The following IRF8 variants were observed in gnomAD, a reference collection of about 807,000 sequenced individuals.
IRF8 encodes interferon consensus sequence binding protein 1.
A neutral mutation model predicts 48.7 loss-of-function variants in IRF8; 14 were observed. The observed-to-expected ratio is 0.29, with a 90% confidence interval of 0.19 to 0.45. IRF8 has a LOEUF of 0.45. IRF8 is among the 20% of genes least tolerant of loss of function. The pLI is 1.00. For missense variants in IRF8, 493 were observed against 580.7 expected, an observed-to-expected ratio of 0.85 and a Z score of 1.55; for synonymous variants, 278 against 227.3, an observed-to-expected ratio of 1.22 and a Z score of -2.01.
At chr16:85,903,913 A>G (rs988101024) in intron 2 of IRF8, among the ~76,000 whole-genome samples, 2 of 152,208 alleles carry the variant, frequency 1.3e-5, no homozygotes, top group African/African-American at 4.8e-5. Context: ...CAGATGCAAG[A>G]TGGCCCAACT....
chr16:85,921,707 A>G lies in IRF8; in HGVS notation c.*425A>G. 4.2e-6 allele frequency: 1 copy of G among 240,254 alleles called. No individual in the cohort carries two copies. The highest frequency in any genetic ancestry group is 8.3e-6 in the Non-Finnish European group (1 of 120,924). The allele number at this position is 240,254 out of a possible 1,614,324, so 14.9% of individuals were successfully genotyped here. ...TGTTTTTGTCTTTATCGTTTGTTAG[A>G]GTTATAGATTTATGATTTCATAGGC... On this transcript the variant is annotated 3_prime_UTR_variant, in exon 9 of 9. Coordinates refer to ENST00000268638, the MANE Select transcript of IRF8 (RefSeq NM_002163.4).
At position 85,909,189 on chromosome 16, in the gene IRF8, G is replaced by A; in HGVS notation, c.358+16G>A. On this transcript the variant is annotated intron_variant, in intron 3 of 8. Transcript: ENST00000268638. ...GAGCAAAAATGTAACTATCCTTTAT[G>A]GGCATGAAACCTTCCAGAAGCTGCC... 6 of 1,612,522 alleles carry A rather than the reference G, an allele frequency of 3.7e-6. No homozygotes were observed. Among genetic ancestry groups the A allele is most frequent in the Non-Finnish European group, 5.1e-6 (6 of 1,178,798 alleles).
intron 7 of IRF8, among the ~76,000 whole-genome samples, chr16:85,919,159 C>G (rs1905443648): frequency 2.0e-5 from 3 of 152,156 alleles, no homozygotes; most frequent in South Asian, 4.2e-4. Context: ...AGGCCCTGCT[C>G]CAGCCACAAG....
intron 1 of IRF8, 95 bp from the exon 2 acceptor site, chr16:85,902,920 G>A (rs538484946): frequency 4.3e-6 from 6 of 1,389,730 alleles, no homozygotes; most frequent in Non-Finnish European, 6.1e-6. Context: ...CACCTTTGCT[G>A]CAAACCTCTG....
At chr16:85,921,062 G>T in intron 8 of IRF8, 44 bp from the exon 9 acceptor site, 1 of 1,571,898 alleles carries the variant, frequency 6.4e-7, no homozygotes, top group East Asian at 2.4e-5. Flanking sequence ...CACCCCCTTT[G>T]GAGCCTCCGC....
chr16:85,901,883 T>C (rs1904836504), intron 1 of IRF8, among the ~76,000 whole-genome samples: 1 of 152,124 alleles, frequency 6.6e-6, no homozygotes, highest in Non-Finnish European at 1.5e-5. Flanking sequence ...TTCAAACTCG[T>C]TTGCCCAAAG....
At chr16:85,906,796 T>C (rs1905018502) in intron 2 of IRF8, among the ~76,000 whole-genome samples, 1 of 152,066 alleles carries the variant, frequency 6.6e-6, no homozygotes, top group Non-Finnish European at 1.5e-5. Flanking sequence ...GAGACCTTTT[T>C]TGGTTGTCAC....
At chr16:85,918,919 T>C in intron 7 of IRF8, 116 bp downstream of exon 7, 1 of 1,336,482 alleles carries the variant, frequency 7.5e-7, no homozygotes, top group Non-Finnish European at 1.1e-6. Context: ...GGAGGAGGAG[T>C]GAGGGGCATG....
At chr16:85,908,033 G>T (rs1193630378) in intron 2 of IRF8, among the ~76,000 whole-genome samples, 2 of 152,246 alleles carry the variant, frequency 1.3e-5, no homozygotes, top group Middle Eastern at 3.4e-3. Flanking sequence ...GCATTTTCCT[G>T]AAGTGGGTAC....
At chr16:85,899,571 C>G (rs1420186678) in intron 1 of IRF8, among the ~76,000 whole-genome samples, 2 of 152,242 alleles carry the variant, frequency 1.3e-5, no homozygotes, top group East Asian at 1.9e-4. Flanking sequence ...CTCTATCATC[C>G]CACTGAAATT....
chr16:85,914,556 C>G lies in IRF8; in HGVS notation c.601+36C>G, dbSNP rs1297872560. The G allele has an allele frequency of 6.8e-6, 11 of 1,612,276 alleles. No homozygotes were observed. The East Asian group carries it at 2.2e-4, about 33-fold the overall frequency. On this transcript the variant is annotated intron_variant, in intron 6 of 8. Transcript: ENST00000268638. ...GTCCGGGCTGAGAGGGGCGTGGGCA[C>G]TGTTTGAAGACAAAGCCCAGATAAC...
In IRF8 at chr16:85,903,239, C is replaced by G. The variant is rs769899552; in HGVS notation, c.174+50C>G. ...ACTGTGGGCACAGTGTCTCCTTTCC[C>G]TCATGGACTAGTGGAGATGTTGAGT... On this transcript the variant is annotated intron_variant, in intron 2 of 8. Coordinates refer to ENST00000268638, the MANE Select transcript of IRF8 (RefSeq NM_002163.4). 3 of 1,501,682 alleles carry G rather than the reference C, an allele frequency of 2.0e-6. No homozygotes were observed. In the African/African-American group the frequency reaches 4.1e-5, roughly 21 times the overall value. The allele number at this position is 1,501,682 out of a possible 1,614,324, so 93.0% of individuals were successfully genotyped here. A position where few individuals can be genotyped will look rare whatever the true frequency, so the allele number is the denominator to read the frequency against.
At chr16:85,903,398 T>C (rs1474341681) in intron 2 of IRF8, 1 of 582,006 alleles carries the variant, frequency 1.7e-6, no homozygotes, top group East Asian at 3.0e-5. Flanking sequence ...ACTTTTGTGG[T>C]CGCTTGTATT....
In IRF8 at chr16:85,918,401, T is replaced by A; in HGVS notation, c.602-16T>A. On this transcript the variant is annotated splice_polypyrimidine_tract_variant and intron_variant, in intron 6 of 8. Transcript: ENST00000268638. The stretch of plus-strand genomic sequence containing the variant: ...GTCTCCCCGCAGCACCGTCATCGTG[T>A]CCCTCTTGTCCACAGCATTCTCCCA... 1 of 1,594,022 alleles carries A rather than the reference T, an allele frequency of 6.3e-7. No homozygotes were observed. Among genetic ancestry groups the A allele is most frequent in the African/African-American group, 1.3e-5 (1 of 74,928 alleles).
In IRF8 at chr16:85,908,145, T is replaced by A. The variant is rs116687867; in HGVS notation, c.175-845T>A. ...TCGGGATGTCCCTACAGATCTCCTA[T>A]CATTTTAGGCTGGAGGACACTGCCT... On this transcript the variant is annotated intron_variant, in intron 2 of 8. Coordinates refer to ENST00000268638, the MANE Select transcript of IRF8 (RefSeq NM_002163.4). Among the ~76,000 whole-genome samples, 1,033 of 152,370 alleles carry A rather than the reference T, an allele frequency of 6.8e-3. 10 individuals carry two copies. Among genetic ancestry groups the A allele is most frequent in the African/African-American group, 0.024 (992 of 41,576 alleles).
chr16:85,902,766 G>C (rs1393120551), intron 1 of IRF8: 6 of 529,566 alleles, frequency 1.1e-5, no homozygotes, highest in Non-Finnish European at 2.0e-5. Context: ...CAGTGGGAGG[G>C]GCCTGCAGGG....
chr16:85,910,641 G>A (rs960195050), intron 3 of IRF8, among the ~76,000 whole-genome samples: 1 of 152,168 alleles, frequency 6.6e-6, no homozygotes, highest in African/African-American at 2.4e-5. Flanking sequence ...TGCTAGTGAT[G>A]TTAAAGAAGC....
intron 4 of IRF8, 21 bp from the exon 5 acceptor site, chr16:85,913,110 C>A (rs750424360): frequency 1.3e-6 from 2 of 1,588,478 alleles, no homozygotes; most frequent in South Asian, 1.1e-5. Flanking sequence ...CTGCCCTCCT[C>A]TCCCTCCCCT....
intron 2 of IRF8, among the ~76,000 whole-genome samples, chr16:85,904,798 G>A (rs976203846): frequency 3.0e-5 from 3 of 98,488 alleles, no homozygotes; most frequent in Admixed American, 2.1e-4. Context: ...TTTCTCTCTT[G>A]TTTGATTGCA....
Sources: gnomAD v4.1 joint callset for allele counts (sites outside exome capture counted in the v4.1 genomes callset) on GRCh38, gnomAD v4.1.1 for gene constraint, MANE v1.5 for transcripts, NCBI Gene and HGNC (gene_info 2026-07-23, HGNC 2026-07-21) for gene names.